CACNA1C: variants seen among roughly 807,000 people sequenced by gnomAD.
The protein encoded by CACNA1C is calcium voltage-gated channel subunit alpha1 C, also known as voltage-dependent L-type calcium channel subunit alpha-1C.
CACNA1C carries 30 observed loss-of-function variants against 229.0 expected under a neutral mutation model. The observed-to-expected ratio is 0.13, with a 90% confidence interval of 0.10 to 0.18. CACNA1C has a LOEUF of 0.18. Among genes scored for constraint, CACNA1C ranks in the 10% least tolerant of loss-of-function variants. The probability of loss-of-function intolerance (pLI) is 1.00; values close to 1 mark genes in which losing one functional copy is unlikely to be tolerated. For missense variants in CACNA1C, 1,658 were observed against 2,845.0 expected, an observed-to-expected ratio of 0.58 and a Z score of 9.49; for synonymous variants, 1,114 against 1,132.5, an observed-to-expected ratio of 0.98 and a Z score of 0.33.
intron 34 of CACNA1C, among the ~76,000 whole-genome samples, chr12:2,656,534 G>C (rs1358850527): frequency 2.0e-5 from 3 of 152,148 alleles, no homozygotes; most frequent in African/African-American, 7.2e-5. Context: ...CAATGCAATT[G>C]CTATCAAAAT....
At chr12:2,069,292 A>G (rs75616013) in intron 1 of CACNA1C, among the ~76,000 whole-genome samples, 3,039 of 152,312 alleles carry the variant, frequency 0.02, 46 homozygotes, top group Non-Finnish European at 0.031. Flanking sequence ...AGGGTCATCA[A>G]CTTACATCTT....
At position 2,691,552 on chromosome 12, in the gene CACNA1C, G is replaced by A. The variant is rs1161757528; in HGVS notation, c.*353G>A. On this transcript the variant is annotated 3_prime_UTR_variant, in exon 47 of 47. Coordinates refer to ENST00000399655, the MANE Select transcript of CACNA1C (RefSeq NM_000719.7). ...ACCCTACAGCAAACGGGTGTCTTTCGACTCTGCTTGTAGAAACCATTTGCA... is the reference window on the plus strand; with the variant it reads ...ACCCTACAGCAAACGGGTGTCTTTCAACTCTGCTTGTAGAAACCATTTGCA... 4.3e-6 allele frequency: 1 copy of A among 234,946 alleles called. No homozygotes were observed. The highest frequency in any genetic ancestry group is 2.2e-5 in the African/African-American group (1 of 44,516). The allele number at this position is 234,946 out of a possible 1,614,324, so 14.6% of individuals were successfully genotyped here. A position where few individuals can be genotyped will look rare whatever the true frequency, so the allele number is the denominator to read the frequency against.
chr12:2,624,545 G>C (rs1221478957), intron 29 of CACNA1C, among the ~76,000 whole-genome samples: 2 of 152,190 alleles, frequency 1.3e-5, no homozygotes, highest in African/African-American at 4.8e-5. Context: ...AGAACTTGAA[G>C]AGCAAGCAAG....
rs371978680 is a variant in CACNA1C at position 2,585,418 on chromosome 12, G to A, written c.2382G>A (p.Pro794=). Residue 794 remains proline, a synonymous_variant, in exon 17 of 47, where the codon CCG becomes CCA. Coordinates refer to ENST00000399655, the MANE Select transcript of CACNA1C (RefSeq NM_000719.7). The surrounding 1 kb of genome is among the most constrained non-coding windows in gnomAD (Gnocchi z 4.1). ...PEKKQELVEK[P]AVGESKEEKI... ...AGAAACAAGAGTTGGTGGAGAAGCC[G>A]GCAGTGGGGGAATCCAAGGAGGAGA... 25 of 1,610,968 alleles carry A rather than the reference G, an allele frequency of 1.6e-5. No homozygotes were observed. Among genetic ancestry groups the A allele is most frequent in the South Asian group, 5.5e-5 (5 of 90,542 alleles).
intron 13 of CACNA1C, among the ~76,000 whole-genome samples, chr12:2,577,057 G>T (rs2058670625): frequency 6.6e-6 from 1 of 152,258 alleles, no homozygotes; most frequent in Non-Finnish European, 1.5e-5. Context: ...GCAGCAGCCT[G>T]CCCCCTTTAT....
At chr12:2,269,582 A>G (rs2083912786) in intron 3 of CACNA1C, among the ~76,000 whole-genome samples, 1 of 152,234 alleles carries the variant, frequency 6.6e-6, no homozygotes, top group African/African-American at 2.4e-5. Flanking sequence ...GAAGCCAGGA[A>G]CCAGCTTCTA....
intron 43 of CACNA1C, among the ~76,000 whole-genome samples, chr12:2,683,895 G>C (rs377648024): frequency 6.6e-6 from 1 of 152,240 alleles, no homozygotes; most frequent in Non-Finnish European, 1.5e-5. Context: ...TGGAGCTGCC[G>C]ATGCAGACAG....
intron 13 of CACNA1C, among the ~76,000 whole-genome samples, chr12:2,578,662 G>A (rs1053632317): frequency 3.9e-5 from 6 of 152,144 alleles, no homozygotes; most frequent in South Asian, 2.1e-4. Context: ...AGATGACTCC[G>A]AGGACTTTGC....
chr12:2,136,994 C>A (rs1408498424), intron 3 of CACNA1C, among the ~76,000 whole-genome samples: 1 of 151,296 alleles, frequency 6.6e-6, no homozygotes, highest in Non-Finnish European at 1.5e-5. Flanking sequence ...GAACTTGGGG[C>A]CTTCATGGGA....
At chr12:2,436,120 G>A (rs111915616) in intron 3 of CACNA1C, among the ~76,000 whole-genome samples, 1 of 152,174 alleles carries the variant, frequency 6.6e-6, no homozygotes, top group South Asian at 2.1e-4. Flanking sequence ...ACAAGATATG[G>A]AGGTGGGGAA....
Position 2,179,528 on chromosome 12 carries a change from C to T in CACNA1C, c.477+59098C>T, listed in dbSNP as rs141859433. On this transcript the variant is annotated intron_variant, in intron 3 of 46. Coordinates refer to ENST00000399655, the MANE Select transcript of CACNA1C (RefSeq NM_000719.7). ...TGATTAATACGCACCACAGAAACTC[C>T]GGGCTCTGAATACTGAACATTGACC... Among the ~76,000 whole-genome samples, 486 of 152,302 alleles carry T rather than the reference C, an allele frequency of 3.2e-3. 2 individuals are homozygous for T. Among genetic ancestry groups the T allele is most frequent in the African/African-American group, 0.011 (457 of 41,562 alleles).
intron 1 of CACNA1C, among the ~76,000 whole-genome samples, chr12:2,075,949 T>C (rs2063042864): frequency 6.6e-6 from 1 of 152,218 alleles, no homozygotes; most frequent in African/African-American, 2.4e-5. Flanking sequence ...CTTATCTGCA[T>C]GCTCAGAGAT....
At chr12:2,175,940 C>G (rs914762612) in intron 3 of CACNA1C, among the ~76,000 whole-genome samples, 3 of 152,122 alleles carry the variant, frequency 2.0e-5, no homozygotes, top group African/African-American at 4.8e-5. Flanking sequence ...TTCTAACATC[C>G]TGATGGTTCA....
At chr12:2,447,034 C>T (rs1387133084) in intron 3 of CACNA1C, among the ~76,000 whole-genome samples, 1 of 152,114 alleles carries the variant, frequency 6.6e-6, no homozygotes, top group Non-Finnish European at 1.5e-5. Flanking sequence ...AAAGAGGTGA[C>T]CCTGTCATCT....
intron 1 of CACNA1C, among the ~76,000 whole-genome samples, chr12:2,057,932 C>T (rs1292783132): frequency 1.3e-5 from 2 of 152,146 alleles, no homozygotes; most frequent in African/African-American, 4.8e-5. Flanking sequence ...ATTTTCCTAA[C>T]TTTAATAGGG....
rs2099797244 is a variant in CACNA1C, at chr12:2,516,539, G to C, written c.1390+3555G>C. On this transcript the variant is annotated intron_variant, in intron 9 of 46. Transcript: ENST00000399655. ...TGCCTGCTGCCTCAGGAGATGCTGGGCCTGGTCTTGACACCCATGGAAGTG... is the reference window on the plus strand; with the variant it reads ...TGCCTGCTGCCTCAGGAGATGCTGGCCCTGGTCTTGACACCCATGGAAGTG... Among the ~76,000 whole-genome samples, 5 of 152,270 alleles carry C rather than the reference G, an allele frequency of 3.3e-5. No homozygotes were observed. In the South Asian group the frequency reaches 1.0e-3, roughly 32 times the overall value.
intron 3 of CACNA1C, among the ~76,000 whole-genome samples, chr12:2,191,361 C>G (rs922615245): frequency 4.6e-5 from 7 of 152,150 alleles, no homozygotes; most frequent in African/African-American, 1.7e-4. Flanking sequence ...CACATCTTCC[C>G]AGGCCTTCTC....
rs2238093 is a variant in CACNA1C at position 2,632,311 on chromosome 12, G to C, written c.3829-1986G>C. ...CTGGGGGTGTATGGGGACTATGACC[G>C]CCTGTAGCTGGGGGTGTATGGGGAA... On this transcript the variant is annotated intron_variant, in intron 29 of 46. Coordinates refer to ENST00000399655, the MANE Select transcript of CACNA1C (RefSeq NM_000719.7). The surrounding 1 kb of genome is among the most constrained non-coding windows in gnomAD (Gnocchi z 4.1). Among the ~76,000 whole-genome samples, 5 of 151,572 alleles carry C rather than the reference G, an allele frequency of 3.3e-5. No homozygotes were observed. The highest frequency in any genetic ancestry group is 7.4e-5 in the Non-Finnish European group (5 of 67,946).
intron 7 of CACNA1C, among the ~76,000 whole-genome samples, chr12:2,498,175 AAGTT>A (rs1365671820): frequency 6.6e-6 from 1 of 152,226 alleles, no homozygotes; most frequent in African/African-American, 2.4e-5. Flanking sequence ...GGCTTCATAA[AAGTT>A]AGAGCTGAAT....
Sources: allele counts gnomAD v4.1 joint callset (sites outside exome capture counted in the v4.1 genomes callset), GRCh38; gene constraint gnomAD v4.1.1; non-coding constraint Gnocchi (gnomAD v3.1); transcripts MANE v1.5; gene names NCBI Gene and HGNC (gene_info 2026-07-23, HGNC 2026-07-21).